Variants in ARHGDIB observed in about 807,000 individuals in gnomAD.
ARHGDIB encodes Rho GDP dissociation inhibitor beta, also known as rho GDP-dissociation inhibitor 2.
A neutral mutation model predicts 22.6 loss-of-function variants in ARHGDIB; 20 were observed. The ratio of observed to expected loss-of-function variants is 0.88; its 90% CI spans 0.62 to 1.28. The LOEUF (loss-of-function observed/expected upper bound fraction) is 1.28. Ranked by LOEUF, ARHGDIB falls within the 50% of genes most tolerant of loss-of-function variation. The pLI is 0.00. For missense variants in ARHGDIB, 254 were observed against 245.4 expected (o/e 1.04, Z -0.23); for synonymous variants, 114 against 96.1 (o/e 1.19, Z -1.09).
chr12:14,951,286 T>C (rs1441276588), intron 1 of ARHGDIB: 5 of 152,820 alleles, frequency 3.3e-5, no homozygotes, highest in Non-Finnish European at 7.3e-5. Flanking sequence ...CGTTGACCTT[T>C]ATGATACCTG....
chr12:14,958,452 C>A (rs1475982735), intron 1 of ARHGDIB, among the ~76,000 whole-genome samples: 5 of 152,140 alleles, frequency 3.3e-5, no homozygotes, highest in Non-Finnish European at 7.4e-5. Context: ...GTGAGAGAAA[C>A]AATTTATTAT....
chr12:14,943,382 T>C (rs1863923258), intron 5 of ARHGDIB, among the ~76,000 whole-genome samples: 1 of 91,442 alleles, frequency 1.1e-5, no homozygotes, highest in African/African-American at 4.4e-5. Flanking sequence ...AGCCTGTTTT[T>C]TTTTTTTTTG....
intron 1 of ARHGDIB, among the ~76,000 whole-genome samples, chr12:14,953,177 T>C (rs769041385): frequency 6.6e-6 from 1 of 152,206 alleles, no homozygotes; most frequent in Admixed American, 6.5e-5. Flanking sequence ...CAAATTTACC[T>C]AGACATTAAA....
chr12:14,961,342 C>T (rs1864407261), intron 1 of ARHGDIB, 195 bp downstream of exon 1: 1 of 152,294 alleles, frequency 6.6e-6, no homozygotes, highest in African/African-American at 2.4e-5. Flanking sequence ...CCCTGAGTCA[C>T]TGCTACCCTT....
intron 1 of ARHGDIB, among the ~76,000 whole-genome samples, chr12:14,958,878 G>T: frequency 6.6e-6 from 1 of 152,310 alleles, no homozygotes. Context: ...TGTTGCTGAC[G>T]TTTCAGGGGC....
intron 5 of ARHGDIB, among the ~76,000 whole-genome samples, chr12:14,944,180 A>G (rs888586110): frequency 6.6e-6 from 1 of 151,076 alleles, no homozygotes; most frequent in Non-Finnish European, 1.5e-5. Flanking sequence ...GCCTATATTA[A>G]TGAAAGAAAA....
At chr12:14,949,491 T>A (rs957711045) in intron 3 of ARHGDIB, among the ~76,000 whole-genome samples, 1 of 152,238 alleles carries the variant, frequency 6.6e-6, no homozygotes, top group African/African-American at 2.4e-5. Flanking sequence ...ACACAATTTG[T>A]TTCTTAATAT....
intron 1 of ARHGDIB, among the ~76,000 whole-genome samples, chr12:14,959,415 G>T (rs1012648888): frequency 6.6e-6 from 1 of 152,172 alleles, no homozygotes; most frequent in African/African-American, 2.4e-5. Flanking sequence ...TGTGGCTATT[G>T]ATCCTTTTTG....
intron 4 of ARHGDIB, among the ~76,000 whole-genome samples, chr12:14,947,445 T>C (rs1212483341): frequency 1.3e-5 from 2 of 152,240 alleles, no homozygotes; most frequent in Non-Finnish European, 2.9e-5. Context: ...TTCACTTGTT[T>C]GTCCACTTTT....
chr12:14,952,956 T>C (rs1407539747), intron 1 of ARHGDIB, among the ~76,000 whole-genome samples: 1 of 152,060 alleles, frequency 6.6e-6, no homozygotes, highest in Admixed American at 6.6e-5. Context: ...AATCTCAATG[T>C]TGAAAAGAGA....
At chr12:14,959,376 A>C (rs1864366279) in intron 1 of ARHGDIB, among the ~76,000 whole-genome samples, 1 of 152,194 alleles carries the variant, frequency 6.6e-6, no homozygotes, top group Non-Finnish European at 1.5e-5. Flanking sequence ...ACGCACCACC[A>C]TGCCCTGTGA....
chr12:14,959,279 G>T (rs780395735), intron 1 of ARHGDIB, among the ~76,000 whole-genome samples: 1 of 152,156 alleles, frequency 6.6e-6, no homozygotes, highest in Admixed American at 6.5e-5. Context: ...ATTAGCCAGC[G>T]TGGTGATGCG....
At chr12:14,952,162 G>A (rs1330370081) in intron 1 of ARHGDIB, among the ~76,000 whole-genome samples, 1 of 151,232 alleles carries the variant, frequency 6.6e-6, no homozygotes, top group Non-Finnish European at 1.5e-5. Context: ...TCCCAGGAGT[G>A]AAGATATCTC....
chr12:14,954,588 A>G (rs1396563085), intron 1 of ARHGDIB, among the ~76,000 whole-genome samples: 1 of 152,108 alleles, frequency 6.6e-6, no homozygotes, highest in Non-Finnish European at 1.5e-5. Context: ...TGTTAACTGA[A>G]TGTTGCAACC....
chr12:14,950,182 C>A (rs1010071358), intron 2 of ARHGDIB, among the ~76,000 whole-genome samples: 2 of 151,922 alleles, frequency 1.3e-5, no homozygotes, highest in African/African-American at 4.8e-5. Flanking sequence ...TATCTCTGGG[C>A]CATGTCTTGT....
At chr12:14,958,540 C>T (rs1296148220) in intron 1 of ARHGDIB, among the ~76,000 whole-genome samples, 1 of 152,150 alleles carries the variant, frequency 6.6e-6, no homozygotes, top group South Asian at 2.1e-4. Context: ...AAAGAGATCC[C>T]GTGAGCTTTG....
intron 1 of ARHGDIB, among the ~76,000 whole-genome samples, chr12:14,957,396 C>T (rs1426121222): frequency 1.3e-5 from 2 of 152,196 alleles, no homozygotes; most frequent in South Asian, 2.1e-4. Flanking sequence ...ACTGTTTCCA[C>T]ACCAAATACT....
chr12:14,942,318 G>C lies in ARHGDIB; in HGVS notation c.*204C>G. The C allele has an allele frequency of 2.2e-5, 13 of 587,958 alleles. No individual in the cohort carries two copies. Among genetic ancestry groups the C allele is most frequent in the Non-Finnish European group, 3.9e-5 (13 of 329,432 alleles). The allele number at this position is 587,958 out of a possible 1,614,324, so 36.4% of individuals were successfully genotyped here. A position where few individuals can be genotyped will look rare whatever the true frequency, so the allele number is the denominator to read the frequency against. ...GATCTGGCCCTGATGGAGGATCAGAGGGAGCAGGTTGGGTGAAAGCCCGGT... is the reference window on the plus strand; with the variant it reads ...GATCTGGCCCTGATGGAGGATCAGACGGAGCAGGTTGGGTGAAAGCCCGGT... On this transcript the variant is annotated 3_prime_UTR_variant, in exon 6 of 6. Transcript: ENST00000228945.
At chr12:14,955,632 T>G (rs543662056) in intron 1 of ARHGDIB, among the ~76,000 whole-genome samples, 1 of 152,352 alleles carries the variant, frequency 6.6e-6, no homozygotes, top group Non-Finnish European at 1.5e-5. Flanking sequence ...TTAAGCATTG[T>G]ACTGCATTTT....
Sources: allele counts gnomAD v4.1 joint callset (sites outside exome capture counted in the v4.1 genomes callset), GRCh38; gene constraint gnomAD v4.1.1; transcripts MANE v1.5; gene names NCBI Gene and HGNC (gene_info 2026-07-23, HGNC 2026-07-21).